The following CEP85L variants were observed in gnomAD, a reference collection of about 807,000 sequenced individuals.
CEP85L encodes the protein centrosomal protein of 85 kDa-like.
Under a neutral mutation model 100.3 loss-of-function variants are expected in CEP85L, and 60 were observed. The observed-to-expected ratio is 0.60, with a 90% CI of 0.49 to 0.74. The LOEUF is 0.74. CEP85L is among the 30% of genes least tolerant of loss of function. The pLI is 0.00. For missense variants in CEP85L, 973 were observed against 936.2 expected (o/e 1.04, Z -0.51); for synonymous variants, 319 against 322.7 (o/e 0.99, Z 0.12).
At position 118,470,764 on chromosome 6, in the gene CEP85L, T is replaced by C. The variant is rs532580177; in HGVS notation, c.1915-120A>G. The C allele has an allele frequency of 6.2e-6, 3 of 484,528 alleles. No individual in the cohort carries two copies. The Admixed American group carries it at 1.2e-4, about 20-fold the overall frequency. The allele number at this position is 484,528 out of a possible 1,614,324, so 30.0% of individuals were successfully genotyped here. A position where few individuals can be genotyped will look rare whatever the true frequency, so the allele number is the denominator to read the frequency against. Reference sequence around the variant, plus strand: ...TAAATCTTCTTTCCTCCCCATCCCCTTGGAAGATGAAGCCTTCACTTTTAA... The same window carrying C: ...TAAATCTTCTTTCCTCCCCATCCCCCTGGAAGATGAAGCCTTCACTTTTAA... On this transcript the variant is annotated intron_variant, in intron 10 of 12. Transcript: ENST00000368491.
At chr6:118,633,208 CTT>C (rs35254375) in intron 1 of CEP85L, among the ~76,000 whole-genome samples, 1 of 144,568 alleles carries the variant, frequency 6.9e-6, no homozygotes, top group African/African-American at 2.5e-5. Flanking sequence ...CTTGATTTGT[CTT>C]TTTTTTTTTT....
intron 6 of CEP85L, among the ~76,000 whole-genome samples, chr6:118,488,039 A>G (rs557293881): frequency 6.6e-6 from 1 of 152,238 alleles, no homozygotes; most frequent in South Asian, 2.1e-4. Context: ...GTACAAAGAT[A>G]TGAAAAGCCC....
rs758956410 is a variant in CEP85L, at chr6:118,511,417, T to G, written c.1140-2A>C. The G allele has an allele frequency of 6.3e-7, 1 of 1,583,326 alleles. No individual in the cohort carries two copies. Among genetic ancestry groups the G allele is most frequent in the Non-Finnish European group, 8.7e-7 (1 of 1,152,912 alleles). ...AGGTGGGTAATTTGTTGCTTCTGCC[T>G]GCAAAACATAAATTAAGGTCACATT... is the stretch of plus-strand genomic sequence containing the variant. On this transcript the variant is annotated splice_acceptor_variant, in intron 4 of 12. Coordinates refer to ENST00000368491, the MANE Select transcript of CEP85L (RefSeq NM_001042475.3). LOFTEE classifies it high-confidence loss of function.
chr6:118,622,366 T>C (rs1773504970), intron 2 of CEP85L, among the ~76,000 whole-genome samples: 1 of 152,206 alleles, frequency 6.6e-6, no homozygotes, highest in African/African-American at 2.4e-5. Context: ...TCCCAGAGGA[T>C]GGGGAGCCAA....
Position 118,465,500 on chromosome 6 carries a change from C to T in CEP85L, c.2323G>A (p.Asp775Asn). ...STETLTKKLSDVCQLRRDIDE... is the reference protein window; with the variant it reads ...STETLTKKLSNVCQLRRDIDE... ...ATGTCTCTTCGTAACTGGCACACAT[C>T]TGACAGCTTTTTAGTGAGTGTTTCT... Residue 775 changes from aspartate to asparagine, a missense_variant, in exon 13 of 13, where the codon GAT becomes AAT. Asp to Asn is a conservative substitution (Grantham distance 23, BLOSUM62 1). Around this residue, in one of 3 missense-constraint regions of CEP85L, gnomAD observed 890 missense variants for 844.5 expected, o/e 1.05. Transcript: ENST00000368491. 1.2e-6 allele frequency: 2 copies of T among 1,613,682 alleles called. No homozygotes were observed. Among genetic ancestry groups the T allele is most frequent in the Non-Finnish European group, 1.7e-6 (2 of 1,179,694 alleles).
At chr6:118,652,495 C>T (rs943431753), upstream of CEP85L, 10 of 1,331,826 alleles carry the variant, frequency 7.5e-6, no homozygotes, top group Admixed American at 2.1e-4. Flanking sequence ...GGGAGGCGGG[C>T]TCTGCAGTAG....
At chr6:118,651,619 C>T, upstream of CEP85L, 3 of 1,018,644 alleles carry the variant, frequency 2.9e-6, no homozygotes, top group Non-Finnish European at 3.5e-6. Flanking sequence ...AGAGCCAGAG[C>T]CGGGGCTGGG....
At chr6:118,683,030 C>T (rs913980653) in intron 1 of CEP85L, among the ~76,000 whole-genome samples, 2 of 152,032 alleles carry the variant, frequency 1.3e-5, no homozygotes, top group Admixed American at 6.6e-5. Context: ...TTTTATCAGG[C>T]ATAACAATGA....
chr6:118,605,127 G>A lies in CEP85L; in HGVS notation c.232+27326C>T, dbSNP rs145044020. Among the ~76,000 whole-genome samples, 217 of 152,216 alleles carry A rather than the reference G, an allele frequency of 1.4e-3. 3 individuals are homozygous for A. The highest frequency in any genetic ancestry group is 5.0e-3 in the African/African-American group (209 of 41,526). ...GAGGAAAAGCGCCAGGAAAGCATGC[G>A]TTTCTGGGGCCAAATAAGCAGCTGA... On this transcript the variant is annotated intron_variant, in intron 2 of 12. Coordinates refer to ENST00000368491, the MANE Select transcript of CEP85L (RefSeq NM_001042475.3).
At chr6:118,655,179 C>T (rs1017390622), upstream of CEP85L, among the ~76,000 whole-genome samples, 14 of 152,108 alleles carry the variant, frequency 9.2e-5, no homozygotes, top group Non-Finnish European at 1.8e-4. Context: ...GGTGGTATGG[C>T]GAGGCCAAGA....
chr6:118,544,298 CTT>C (rs1266472627), intron 3 of CEP85L, among the ~76,000 whole-genome samples: 1 of 151,986 alleles, frequency 6.6e-6, no homozygotes, highest in Non-Finnish European at 1.5e-5. Flanking sequence ...ATGTGTTTCC[CTT>C]TGTTATTTTT....
intron 5 of CEP85L, among the ~76,000 whole-genome samples, chr6:118,493,522 A>T (rs1303554470): frequency 6.6e-6 from 1 of 152,234 alleles, no homozygotes; most frequent in Non-Finnish European, 1.5e-5. Flanking sequence ...GGATGTTATC[A>T]TTTAAAGAAA....
intron 3 of CEP85L, among the ~76,000 whole-genome samples, chr6:118,555,712 CAT>C (rs980300991): frequency 1.3e-5 from 2 of 152,126 alleles, no homozygotes; most frequent in East Asian, 1.9e-4. Flanking sequence ...CAGGTAAACA[CAT>C]GTCATGGGGA....
chr6:118,570,167 T>C lies in CEP85L; in HGVS notation c.233-3851A>G, dbSNP rs180887382. 2.2e-3 allele frequency among the ~76,000 whole-genome samples: 341 copies of C among 152,268 alleles called. 1 individual carries two copies. Among genetic ancestry groups the C allele is most frequent in the Middle Eastern group, 6.8e-3 (2 of 294 alleles). On this transcript the variant is annotated intron_variant, in intron 2 of 12. Transcript: ENST00000368491. ...TTAATAAACAAAGGTAACCTCTACA[T>C]AGTGGAAAGGGGGCAAAAGGAGAAA...
intron 4 of CEP85L, among the ~76,000 whole-genome samples, chr6:118,522,452 T>C (rs1776722145): frequency 6.6e-6 from 1 of 152,224 alleles, no homozygotes; most frequent in Non-Finnish European, 1.5e-5. Flanking sequence ...CATTCACTTG[T>C]ACCAGAAACA....
intron 2 of CEP85L, among the ~76,000 whole-genome samples, chr6:118,609,872 T>C (rs1772493638): frequency 6.6e-6 from 1 of 152,098 alleles, no homozygotes; most frequent in Non-Finnish European, 1.5e-5. Context: ...GTTCCTGTCC[T>C]ATGATACAAA....
chr6:118,651,319 G>C lies in CEP85L; in HGVS notation c.-50C>G. On this transcript the variant is annotated 5_prime_UTR_variant, in exon 1 of 13. Transcript: ENST00000368491. Reference sequence around the variant, plus strand: ...CAGGGACGCCCGACTCCTCACGTCCGTCCTCCTGCTTCTTCGGCGGCGGAA... The same window carrying C: ...CAGGGACGCCCGACTCCTCACGTCCCTCCTCCTGCTTCTTCGGCGGCGGAA... 1 of 1,409,934 alleles carries C rather than the reference G, an allele frequency of 7.1e-7. No individual in the cohort carries two copies. Among genetic ancestry groups the C allele is most frequent in the East Asian group, 3.0e-5 (1 of 32,840 alleles). The allele number at this position is 1,409,934 out of a possible 1,614,324, so 87.3% of individuals were successfully genotyped here.
intron 2 of CEP85L, among the ~76,000 whole-genome samples, chr6:118,589,919 T>C (rs1028021706): frequency 6.6e-6 from 1 of 152,226 alleles, no homozygotes; most frequent in Non-Finnish European, 1.5e-5. Flanking sequence ...TGTGTATCCA[T>C]GCACCTACCT....
At chr6:118,606,013 CAAAAA>C (rs61023993) in intron 2 of CEP85L, among the ~76,000 whole-genome samples, 1 of 102,006 alleles carries the variant, frequency 9.8e-6, no homozygotes, top group African/African-American at 3.8e-5. Context: ...GACTCTGTCT[CAAAAA>C]AAAAAAAAAA....
Sources: allele counts gnomAD v4.1 joint callset (sites outside exome capture counted in the v4.1 genomes callset), GRCh38; gene constraint gnomAD v4.1.1; regional missense constraint gnomAD v4.1.1; transcripts MANE v1.5; gene names NCBI Gene and HGNC (gene_info 2026-07-23, HGNC 2026-07-21).